PIGK: variants seen among roughly 807,000 people sequenced by gnomAD.
PIGK encodes GPI-anchor transamidase.
A neutral mutation model predicts 50.6 loss-of-function variants in PIGK; 42 were observed. The observed-to-expected ratio is 0.83, with a 90% confidence interval of 0.65 to 1.07. The LOEUF (loss-of-function observed/expected upper bound fraction) is 1.07, where lower values mean the gene tolerates loss of function less well. Among genes scored for constraint, PIGK ranks in the 50% least tolerant of loss-of-function variants. The probability of loss-of-function intolerance (pLI) is 0.00; values close to 1 mark genes in which losing one functional copy is unlikely to be tolerated. For synonymous variants in PIGK, 151 were observed against 156.0 expected (o/e 0.97, Z 0.24); for missense variants, 448 against 488.7 (o/e 0.92, Z 0.78).
chr1:77,091,562 C>T lies in PIGK; in HGVS notation c.*812G>A, dbSNP rs1172370812. 2 of 152,108 alleles carry T rather than the reference C, an allele frequency of 1.3e-5. No individual in the cohort carries two copies. The highest frequency in any genetic ancestry group is 2.9e-5 in the Non-Finnish European group (2 of 68,006). 9.4% of individuals were successfully genotyped at this position (152,108 alleles called of 1,614,324 possible). On this transcript the variant is annotated 3_prime_UTR_variant, in exon 11 of 11. Transcript: ENST00000370812. The stretch of plus-strand genomic sequence containing the variant: ...ATTGTAGAAGATCACAGAACGCTTA[C>T]AAATGAAAAACAATGGGGTATGTTT...
At chr1:77,188,499 T>C (rs1000404976) in intron 3 of PIGK, among the ~76,000 whole-genome samples, 2 of 152,196 alleles carry the variant, frequency 1.3e-5, no homozygotes, top group Non-Finnish European at 2.9e-5. Flanking sequence ...TCAATGACAA[T>C]GGTGCCCGAA....
intron 10 of PIGK, among the ~76,000 whole-genome samples, chr1:77,112,290 T>TA (rs1258631904): frequency 6.0e-5 from 9 of 149,836 alleles, no homozygotes; most frequent in African/African-American, 2.2e-4. Context: ...AGATGGCAGA[T>TA]TAACTAACTC....
intron 9 of PIGK, among the ~76,000 whole-genome samples, chr1:77,149,545 G>A (rs1654847008): frequency 6.6e-6 from 1 of 152,012 alleles, no homozygotes; most frequent in Non-Finnish European, 1.5e-5. Flanking sequence ...TTTAGCAAGA[G>A]AATATAATAA....
intron 6 of PIGK, 128 bp from the exon 7 acceptor site, chr1:77,161,839 G>A (rs981813979): frequency 1.6e-6 from 1 of 642,862 alleles, no homozygotes; most frequent in Non-Finnish European, 2.8e-6. Flanking sequence ...GTTTTCAGCA[G>A]AATTCCCAAC....
intron 3 of PIGK, among the ~76,000 whole-genome samples, chr1:77,187,440 G>A (rs1655776025): frequency 6.6e-6 from 1 of 152,152 alleles, no homozygotes; most frequent in Non-Finnish European, 1.5e-5. Flanking sequence ...CCTCCAGCAG[G>A]AGGAACACTG....
At chr1:77,212,349 T>C (rs554332966) in intron 1 of PIGK, among the ~76,000 whole-genome samples, 2 of 152,250 alleles carry the variant, frequency 1.3e-5, no homozygotes, top group East Asian at 3.9e-4. Flanking sequence ...AATCTCCATC[T>C]ATAAAACAGT....
intron 3 of PIGK, among the ~76,000 whole-genome samples, chr1:77,194,507 G>A (rs527904263): frequency 4.6e-5 from 7 of 152,042 alleles, no homozygotes; most frequent in Non-Finnish European, 8.8e-5. Flanking sequence ...GAAACTAGAG[G>A]CTATTATCCT....
intron 3 of PIGK, among the ~76,000 whole-genome samples, chr1:77,175,115 G>T (rs887441065): frequency 2.6e-5 from 4 of 151,928 alleles, no homozygotes; most frequent in Non-Finnish European, 5.9e-5. Context: ...GTAAAATAAA[G>T]ACATTTGTTC....
intron 2 of PIGK, among the ~76,000 whole-genome samples, chr1:77,208,084 G>A (rs1236350674): frequency 2.6e-5 from 4 of 151,992 alleles, no homozygotes; most frequent in Non-Finnish European, 4.4e-5. Flanking sequence ...AATTTAGCAA[G>A]GAGTGGTAGT....
At chr1:77,189,733 A>C (rs1309413762) in intron 3 of PIGK, among the ~76,000 whole-genome samples, 2 of 65,846 alleles carry the variant, frequency 3.0e-5, no homozygotes, top group Non-Finnish European at 5.4e-5. Flanking sequence ...ATATATATAT[A>C]TATATATATA....
At chr1:77,210,541 G>T in intron 1 of PIGK, 52 bp from the exon 2 acceptor site, 1 of 1,105,624 alleles carries the variant, frequency 9.0e-7, no homozygotes, top group South Asian at 1.4e-5. Context: ...TCAGAATAAA[G>T]ACTGATAATG....
At chr1:77,133,631 G>A (rs2100537353) in intron 9 of PIGK, among the ~76,000 whole-genome samples, 1 of 152,226 alleles carries the variant, frequency 6.6e-6, no homozygotes, top group African/African-American at 2.4e-5. Context: ...TTCCTCTGCT[G>A]GGCAGTTAAG....
At chr1:77,138,531 G>A (rs1353969074) in intron 9 of PIGK, among the ~76,000 whole-genome samples, 1 of 152,216 alleles carries the variant, frequency 6.6e-6, no homozygotes, top group Non-Finnish European at 1.5e-5. Flanking sequence ...ACAGTATCAA[G>A]TGGTCTTTTT....
chr1:77,179,738 C>A (rs534527651), intron 3 of PIGK, among the ~76,000 whole-genome samples: 3 of 152,124 alleles, frequency 2.0e-5, no homozygotes, highest in East Asian at 3.9e-4. Flanking sequence ...TGAAGTTTTT[C>A]TTTTAATACA....
At chr1:77,115,394 G>A (rs1199245351) in intron 10 of PIGK, among the ~76,000 whole-genome samples, 1 of 151,824 alleles carries the variant, frequency 6.6e-6, no homozygotes, top group Non-Finnish European at 1.5e-5. Flanking sequence ...ACCTGAGGTG[G>A]TACTGTGTTC....
chr1:77,181,312 AT>A (rs1020893162), intron 3 of PIGK, among the ~76,000 whole-genome samples: 8 of 152,152 alleles, frequency 5.3e-5, no homozygotes, highest in African/African-American at 1.4e-4. Flanking sequence ...GGTAAAAAAA[AT>A]ATACATATTT....
intron 2 of PIGK, 41 bp downstream of exon 2, chr1:77,210,395 T>C (rs1483361298): frequency 8.0e-7 from 1 of 1,243,520 alleles, no homozygotes; most frequent in Non-Finnish European, 1.1e-6. Context: ...CAGATACATA[T>C]CTAATGTGAA....
Position 77,092,656 on chromosome 1 carries a change from A to C in PIGK, c.1072-166T>G, listed in dbSNP as rs559212557. Among the ~76,000 whole-genome samples, 4 of 152,152 alleles carry C rather than the reference A, an allele frequency of 2.6e-5. No homozygotes were observed. The East Asian group carries it at 7.7e-4, about 29-fold the overall frequency. ...AGCAACAATGGTAAAGACTTCAGAC[A>C]GGGTAAATATCCTACAGGGTAAACT... is the stretch of plus-strand genomic sequence containing the variant. On this transcript the variant is annotated intron_variant, in intron 10 of 10. Coordinates refer to ENST00000370812, the MANE Select transcript of PIGK (RefSeq NM_005482.3).
In PIGK at chr1:77,169,531, C is replaced by T. The variant is rs1239018101; in HGVS notation, c.240-136G>A. On this transcript the variant is annotated intron_variant, in intron 3 of 10. Coordinates refer to ENST00000370812, the MANE Select transcript of PIGK (RefSeq NM_005482.3). ...AAATTTTCAACTACATAGTTGAAGG[C>T]AATTTAATTATTTTTTTCATATCCT... 7 of 587,476 alleles carry T rather than the reference C, an allele frequency of 1.2e-5. No homozygotes were observed. The Admixed American group carries it at 1.5e-4, about 12-fold the overall frequency. 36.4% of individuals were successfully genotyped at this position (587,476 alleles called of 1,614,324 possible). A position where few individuals can be genotyped will look rare whatever the true frequency, so the allele number is the denominator to read the frequency against.
Sources: allele counts gnomAD v4.1 joint callset (sites outside exome capture counted in the v4.1 genomes callset), GRCh38; gene constraint gnomAD v4.1.1; transcripts MANE v1.5; gene names NCBI Gene and HGNC (gene_info 2026-07-23, HGNC 2026-07-21).